The following ZBTB40 variants were observed in gnomAD, a reference collection of about 807,000 sequenced individuals.
ZBTB40 encodes zinc finger and BTB domain containing 40, also known as zinc finger and BTB domain-containing protein 40.
Under a neutral mutation model 117.5 loss-of-function variants are expected in ZBTB40, and 60 were observed. The ratio of observed to expected loss-of-function variants is 0.51; its 90% CI spans 0.41 to 0.63. The LOEUF is 0.63. Among genes scored for constraint, ZBTB40 ranks in the 30% least tolerant of loss-of-function variants. The pLI, the probability that ZBTB40 is intolerant of heterozygous loss-of-function variation, is 0.00. For synonymous variants in ZBTB40, 525 were observed against 577.1 expected (o/e 0.91, Z 1.29); for missense variants, 1,287 against 1,498.5 (o/e 0.86, Z 2.33).
At chr1:22,480,142 G>A (rs780481234) in intron 1 of ZBTB40, among the ~76,000 whole-genome samples, 2 of 152,114 alleles carry the variant, frequency 1.3e-5, no homozygotes, top group African/African-American at 2.4e-5. Flanking sequence ...CTGACCTCGA[G>A]TGATCCACCT....
chr1:22,488,783 T>C (rs1638543419), intron 1 of ZBTB40, among the ~76,000 whole-genome samples: 1 of 152,172 alleles, frequency 6.6e-6, no homozygotes, highest in African/African-American at 2.4e-5. Flanking sequence ...CTCCGCCTAC[T>C]GGGTTGAAGA....
chr1:22,508,352 A>G (rs1314969124), intron 7 of ZBTB40, among the ~76,000 whole-genome samples, 178 bp from the exon 8 acceptor site: 2 of 152,216 alleles, frequency 1.3e-5, no homozygotes, highest in Non-Finnish European at 2.9e-5. Flanking sequence ...AAGGCATTCA[A>G]AAGGAGAAAT....
chr1:22,521,593 G>C lies in ZBTB40; in HGVS notation c.3146G>C (p.Ser1049Thr). ...RSSKFSSLQC[S>T]SCDKTFPNTI... is the part of the protein sequence containing the mutation. ...TCCAAGTTCTCATCACTCCAGTGCA[G>C]CTCCTGTGACAAAACCTTCCCCAAC... The change falls in exon 15 of 18, where the codon AGC becomes ACC. Residue 1049 changes from serine (S) to threonine (T), a missense_variant. By Grantham distance (58) the Ser-to-Thr change is moderately conservative (BLOSUM62 1). Transcript: ENST00000375647. 3 of 1,614,162 alleles carry C rather than the reference G, an allele frequency of 1.9e-6. No homozygotes were observed. The highest frequency in any genetic ancestry group is 2.5e-6 in the Non-Finnish European group (3 of 1,180,028).
At chr1:22,465,833 A>G (rs1641241735) in intron 1 of ZBTB40, among the ~76,000 whole-genome samples, 1 of 152,036 alleles carries the variant, frequency 6.6e-6, no homozygotes, top group South Asian at 2.1e-4. Context: ...GGAGGCTCAT[A>G]TCTGCAGCCA....
intron 1 of ZBTB40, among the ~76,000 whole-genome samples, chr1:22,455,358 G>A (rs556723621): frequency 5.1e-4 from 78 of 152,194 alleles, no homozygotes; most frequent in South Asian, 1.9e-3. Flanking sequence ...GATAATGTTC[G>A]GGTTCATAAA....
intron 3 of ZBTB40, among the ~76,000 whole-genome samples, chr1:22,491,797 A>G (rs1283155137): frequency 1.3e-5 from 2 of 152,210 alleles, no homozygotes; most frequent in Non-Finnish European, 2.9e-5. Flanking sequence ...TGATCATACC[A>G]TTTACTCCTG....
chr1:22,433,206 G>C (rs868701816), intron 1 of ZBTB40, among the ~76,000 whole-genome samples: 1 of 151,906 alleles, frequency 6.6e-6, no homozygotes, highest in Non-Finnish European at 1.5e-5. Context: ...AGCCGAGGCA[G>C]GTGGATCACG....
At chr1:22,520,857 C>T (rs1639502422) in intron 14 of ZBTB40, among the ~76,000 whole-genome samples, 1 of 152,244 alleles carries the variant, frequency 6.6e-6, no homozygotes, top group Non-Finnish European at 1.5e-5. Context: ...AACTTTAGCT[C>T]AGCAAAAACT....
intron 17 of ZBTB40, 46 bp downstream of exon 17, chr1:22,524,490 C>T: frequency 1.3e-6 from 2 of 1,587,766 alleles, no homozygotes; most frequent in Non-Finnish European, 1.7e-6. Context: ...ATGCATGGTT[C>T]CTAAGGCTTC....
intron 1 of ZBTB40, among the ~76,000 whole-genome samples, chr1:22,431,213 C>T (rs1640576272): frequency 1.0e-5 from 1 of 95,748 alleles, no homozygotes; most frequent in South Asian, 2.9e-4. Context: ...GTATGTATTT[C>T]TAATTTATTA....
At chr1:22,459,698 A>G (rs1361544090) in intron 1 of ZBTB40, among the ~76,000 whole-genome samples, 1 of 152,192 alleles carries the variant, frequency 6.6e-6, no homozygotes, top group East Asian at 1.9e-4. Context: ...ATTCTGGCAT[A>G]TGAACTTAAT....
chr1:22,526,395 G>T lies in ZBTB40; in HGVS notation c.3719G>T (p.Ter1240LeuextTer56). The change falls in exon 18 of 18, where the codon TGA becomes TTA. Residue 1240 changes from the stop codon to leucine (L), a stop_lost. Coordinates refer to ENST00000375647, the MANE Select transcript of ZBTB40 (RefSeq NM_014870.4). ...ACGCTGATCTGTGGTGAGGCCAAAT[G>T]AGCAGCCTTTCATCCGGCAGAGCCT... ...TVTLICGEAK[*>L] is the part of the protein sequence containing the mutation. The T allele has an allele frequency of 1.2e-6, 2 of 1,614,014 alleles. No homozygotes were observed. Among genetic ancestry groups the T allele is most frequent in the South Asian group, 2.2e-5 (2 of 91,006 alleles).
At chr1:22,477,024 A>G (rs1641564733) in intron 1 of ZBTB40, among the ~76,000 whole-genome samples, 1 of 152,226 alleles carries the variant, frequency 6.6e-6, no homozygotes, top group Non-Finnish European at 1.5e-5. Flanking sequence ...CAGAAACAGT[A>G]AAATATATAT....
chr1:22,474,382 G>A (rs758315630), intron 1 of ZBTB40, among the ~76,000 whole-genome samples: 6 of 152,250 alleles, frequency 3.9e-5, no homozygotes, highest in Non-Finnish European at 5.9e-5. Flanking sequence ...TCAGGCCCTC[G>A]GTACAAGAGA....
At position 22,502,431 on chromosome 1, in the gene ZBTB40, C is replaced by T; in HGVS notation, c.1157C>T (p.Thr386Ile). 6.2e-7 allele frequency: 1 copy of T among 1,613,952 alleles called. No homozygotes were observed. Among genetic ancestry groups the T allele is most frequent in the Non-Finnish European group, 8.5e-7 (1 of 1,179,914 alleles). ...ETAKEEFLTGTEKRVILNCCE... is the reference protein window; with the variant it reads ...ETAKEEFLTGIEKRVILNCCE... ...GCCAAGGAGGAATTCCTGACTGGCACTGAAAAAAGGGTAACTGTGTCAAGT... is the reference window on the plus strand; with the variant it reads ...GCCAAGGAGGAATTCCTGACTGGCATTGAAAAAAGGGTAACTGTGTCAAGT... Residue 386 changes from threonine to isoleucine, a missense_variant, in exon 5 of 18, where the codon ACT (threonine) becomes ATT (isoleucine). Physicochemically the swap from Thr to Ile is moderately conservative, Grantham distance 89. Around this residue, in one of 2 missense-constraint regions of ZBTB40, gnomAD observed 870 missense variants for 934.4 expected, o/e 0.93. Transcript: ENST00000375647.
At chr1:22,506,003 T>C (rs745938183) in intron 5 of ZBTB40, 46 bp from the exon 6 acceptor site, 7 of 1,606,676 alleles carry the variant, frequency 4.4e-6, no homozygotes, top group Non-Finnish European at 5.1e-6. Flanking sequence ...CAGATAAATG[T>C]TGAATTGCCA....
chr1:22,511,689 G>A lies in ZBTB40; in HGVS notation c.2016G>A (p.Lys672=), dbSNP rs1242560790. ...TCTTTTATGCAGGTGTCCTTACTAA[G>A]GAAGATGGAGAGAAGGAAACGTGGA... ...QELAYIGVLT[K]EDGEKETWKV... Residue 672 remains lysine, a synonymous_variant, in exon 11 of 18, where the codon AAG becomes AAA. Coordinates refer to ENST00000375647, the MANE Select transcript of ZBTB40 (RefSeq NM_014870.4). The A allele has an allele frequency of 6.2e-7, 1 of 1,610,548 alleles. No homozygotes were observed. Among genetic ancestry groups the A allele is most frequent in the Non-Finnish European group, 8.5e-7 (1 of 1,179,126 alleles).
rs1392763700 is a variant in ZBTB40 at position 22,490,361 on chromosome 1, G to A, written c.413G>A (p.Arg138Lys). 3.1e-6 allele frequency: 5 copies of A among 1,614,012 alleles called. No homozygotes were observed. The highest frequency in any genetic ancestry group is 4.2e-6 in the Non-Finnish European group (5 of 1,180,006). The change falls in exon 2 of 18, where the codon AGA (arginine) becomes AAA (lysine). Residue 138 changes from arginine (R) to lysine (K), a missense_variant. Around this residue, in one of 2 missense-constraint regions of ZBTB40, gnomAD observed 870 missense variants for 934.4 expected, o/e 0.93. Transcript: ENST00000375647. ...DVSAPSSETF[R>K]KEPEKPQVEI... is the part of the protein sequence containing the mutation. The stretch of plus-strand genomic sequence containing the variant: ...TCTGCGCCATCCTCAGAGACATTCA[G>A]AAAGGAACCAGAGAAGCCTCAAGTA...
At chr1:22,440,971 A>G (rs1160225502) in intron 1 of ZBTB40, among the ~76,000 whole-genome samples, 1 of 152,150 alleles carries the variant, frequency 6.6e-6, no homozygotes, top group African/African-American at 2.4e-5. Context: ...TGGCTTTGGT[A>G]TCAGGGTAAT....
Sources: gnomAD v4.1 joint callset for allele counts (sites outside exome capture counted in the v4.1 genomes callset) on GRCh38, gnomAD v4.1.1 for gene constraint, gnomAD v4.1.1 regional missense constraint, MANE v1.5 for transcripts, NCBI Gene and HGNC (gene_info 2026-07-23, HGNC 2026-07-21) for gene names.